The following ASIC2 variants were observed in gnomAD, a reference collection of about 807,000 sequenced individuals.
The protein encoded by ASIC2 is acid-sensing ion channel 2.
ASIC2 carries 25 observed loss-of-function variants against 57.3 expected under a neutral mutation model. The ratio of observed to expected loss-of-function variants is 0.44; its 90% CI spans 0.32 to 0.61. The LOEUF (loss-of-function observed/expected upper bound fraction) is 0.61, where lower values mean the gene tolerates loss of function less well. Among genes scored for constraint, ASIC2 ranks in the 20% least tolerant of loss-of-function variants. The probability of loss-of-function intolerance (pLI) is 0.06; values close to 1 mark genes in which losing one functional copy is unlikely to be tolerated. For missense variants in ASIC2, 641 were observed against 738.1 expected, an observed-to-expected ratio of 0.87 and a Z score of 1.52; for synonymous variants, 319 against 307.5, an observed-to-expected ratio of 1.04 and a Z score of -0.39.
chr17:33,469,642 T>C (rs1053574097), intron 1 of ASIC2, among the ~76,000 whole-genome samples: 1 of 152,184 alleles, frequency 6.6e-6, no homozygotes, highest in Non-Finnish European at 1.5e-5. Flanking sequence ...TCATTAGCTG[T>C]GTCCCTGAAC....
At chr17:33,746,645 C>T (rs1270670243) in intron 1 of ASIC2, among the ~76,000 whole-genome samples, 2 of 151,684 alleles carry the variant, frequency 1.3e-5, no homozygotes, top group African/African-American at 4.8e-5. Context: ...GCTTTAATAC[C>T]ACACTTTTAA....
chr17:33,545,751 C>G (rs111244148), intron 1 of ASIC2, among the ~76,000 whole-genome samples: 2 of 152,298 alleles, frequency 1.3e-5, no homozygotes, highest in African/African-American at 4.8e-5. Flanking sequence ...CTATAAAAAT[C>G]CAAACATGTA....
At chr17:33,867,311 C>A (rs1914268324) in intron 1 of ASIC2, among the ~76,000 whole-genome samples, 1 of 152,090 alleles carries the variant, frequency 6.6e-6, no homozygotes, top group South Asian at 2.1e-4. Context: ...TTTCCTGATC[C>A]CCTGTAATGC....
intron 1 of ASIC2, chr17:34,039,314 C>A (rs1418481059): frequency 3.7e-6 from 6 of 1,613,768 alleles, no homozygotes; most frequent in Non-Finnish European, 3.4e-6. Context: ...TTGCCAGATC[C>A]CGTAGATGAG....
intron 1 of ASIC2, among the ~76,000 whole-genome samples, chr17:33,165,310 G>T (rs184500367): frequency 2.6e-5 from 4 of 152,276 alleles, no homozygotes; most frequent in Admixed American, 2.6e-4. Flanking sequence ...GAGATTTGCA[G>T]AATATTGAAC....
intron 1 of ASIC2, among the ~76,000 whole-genome samples, chr17:33,638,508 C>T (rs12944859): frequency 0.035 from 5,385 of 152,260 alleles, 307 homozygotes; most frequent in African/African-American, 0.12. Flanking sequence ...GGATGTAACG[C>T]GGAGTAGAAC....
intron 1 of ASIC2, among the ~76,000 whole-genome samples, chr17:33,964,424 A>C (rs1905019416): frequency 6.6e-6 from 1 of 152,236 alleles, no homozygotes; most frequent in Non-Finnish European, 1.5e-5. Flanking sequence ...GTAGTCTTAC[A>C]TATTCCCTGG....
At chr17:33,139,769 C>A (rs1429533833) in intron 1 of ASIC2, among the ~76,000 whole-genome samples, 1 of 152,178 alleles carries the variant, frequency 6.6e-6, no homozygotes, top group Non-Finnish European at 1.5e-5. Flanking sequence ...GTATACTTCC[C>A]CTCCCTTCTT....
chr17:34,132,588 TGATTGGTG>T (rs1420808379), intron 1 of ASIC2, among the ~76,000 whole-genome samples: 5 of 71,316 alleles, frequency 7.0e-5, no homozygotes, highest in Non-Finnish European at 1.7e-4. Context: ...TACAGAGTGC[TGATTGGTG>T]CGTTTTACAG....
Position 33,250,343 on chromosome 17 carries a change from C to T in ASIC2, c.708+41065G>A, listed in dbSNP as rs77361254. On this transcript the variant is annotated intron_variant, in intron 1 of 9. Transcript: ENST00000225823. ...AGCCCGTGGCCCTGGAGGCCACAGC[C>T]GGGAGCCTGCTCCTAGTGTGGGGCC... Among the ~76,000 whole-genome samples the T allele has an allele frequency of 5.9e-5, 9 of 152,290 alleles. No individual in the cohort carries two copies. The East Asian group carries it at 1.2e-3, about 20-fold the overall frequency.
At chr17:33,405,309 G>A (rs1302332742) in intron 1 of ASIC2, among the ~76,000 whole-genome samples, 9 of 151,956 alleles carry the variant, frequency 5.9e-5, no homozygotes, top group Admixed American at 5.9e-4. Context: ...GGGACAATAG[G>A]AATAGAAAAA....
intron 1 of ASIC2, among the ~76,000 whole-genome samples, chr17:33,162,883 A>T (rs1428746130): frequency 2.6e-5 from 4 of 152,222 alleles, no homozygotes; most frequent in African/African-American, 9.6e-5. Context: ...AACCTGAAGC[A>T]CACTCCTTCG....
intron 1 of ASIC2, among the ~76,000 whole-genome samples, chr17:33,647,993 T>C (rs975981000): frequency 1.8e-4 from 28 of 152,326 alleles, no homozygotes; most frequent in African/African-American, 6.5e-4. Context: ...AATCTAATAG[T>C]GGCTTCCTGG....
At chr17:33,154,659 G>A (rs1003513631) in intron 1 of ASIC2, among the ~76,000 whole-genome samples, 1 of 152,128 alleles carries the variant, frequency 6.6e-6, no homozygotes, top group African/African-American at 2.4e-5. Flanking sequence ...TTTAAGACAC[G>A]CACCTTGGCC....
intron 1 of ASIC2, among the ~76,000 whole-genome samples, chr17:33,869,598 T>C (rs1404307749): frequency 1.3e-5 from 2 of 152,206 alleles, no homozygotes; most frequent in Admixed American, 1.3e-4. Context: ...GCAATATGGA[T>C]GCACTTCTAA....
chr17:33,096,797 T>C (rs1235666201), intron 2 of ASIC2, among the ~76,000 whole-genome samples: 1 of 152,066 alleles, frequency 6.6e-6, no homozygotes, highest in African/African-American at 2.4e-5. Flanking sequence ...CAATGAGCCA[T>C]GGGATGATCC....
Position 33,250,726 on chromosome 17 carries a change from G to A in ASIC2, c.708+40682C>T, listed in dbSNP as rs138852710. 6.6e-5 allele frequency among the ~76,000 whole-genome samples: 10 copies of A among 152,234 alleles called. No individual in the cohort carries two copies. In the East Asian group the frequency reaches 1.7e-3, roughly 26 times the overall value. ...TTTTAAACAAATGAAAGATGCCCTGGTTACAGTGCGGAGGGGAGTCCTGGG... is the reference window on the plus strand; with the variant it reads ...TTTTAAACAAATGAAAGATGCCCTGATTACAGTGCGGAGGGGAGTCCTGGG... On this transcript the variant is annotated intron_variant, in intron 1 of 9. Coordinates refer to ENST00000225823, the MANE Select transcript of ASIC2 (RefSeq NM_183377.2).
intron 1 of ASIC2, among the ~76,000 whole-genome samples, chr17:33,779,144 C>T (rs1911371249): frequency 6.6e-6 from 1 of 152,106 alleles, no homozygotes; most frequent in Admixed American, 6.5e-5. Context: ...GGATGCCATT[C>T]CAGGGTAATA....
intron 1 of ASIC2, among the ~76,000 whole-genome samples, chr17:33,970,658 G>C (rs1278407359): frequency 6.6e-6 from 1 of 152,218 alleles, no homozygotes; most frequent in Non-Finnish European, 1.5e-5. Context: ...GGAGATTTAA[G>C]GCTAACTCAA....
Sources: allele counts gnomAD v4.1 joint callset (sites outside exome capture counted in the v4.1 genomes callset), GRCh38; gene constraint gnomAD v4.1.1; transcripts MANE v1.5; gene names NCBI Gene and HGNC (gene_info 2026-07-23, HGNC 2026-07-21).